The following CDKAL1 variants were observed in gnomAD, a reference collection of about 807,000 sequenced individuals.
The protein encoded by CDKAL1 is CDKAL1 threonylcarbamoyladenosine tRNA methylthiotransferase, also known as threonylcarbamoyladenosine tRNA methylthiotransferase.
CDKAL1 carries 32 observed loss-of-function variants against 68.2 expected under a neutral mutation model. That is an observed-to-expected ratio of 0.47 (90% CI 0.35 to 0.63). The LOEUF is 0.63. Ranked by LOEUF, CDKAL1 falls within the 30% of genes least tolerant of loss-of-function variation. CDKAL1 has a pLI of 0.00. For missense variants in CDKAL1, 606 were observed against 696.7 expected, an observed-to-expected ratio of 0.87 and a Z score of 1.47; for synonymous variants, 234 against 244.3, an observed-to-expected ratio of 0.96 and a Z score of 0.39.
At chr6:20,933,238 AAAC>A (rs1340143988) in intron 9 of CDKAL1, among the ~76,000 whole-genome samples, 5 of 152,226 alleles carry the variant, frequency 3.3e-5, no homozygotes, top group Non-Finnish European at 7.3e-5. Flanking sequence ...ACCCATGAGA[AAAC>A]AATACCCTTT....
At chr6:21,023,034 G>T (rs982753822) in intron 11 of CDKAL1, among the ~76,000 whole-genome samples, 1 of 151,964 alleles carries the variant, frequency 6.6e-6, no homozygotes, top group Non-Finnish European at 1.5e-5. Flanking sequence ...GTGATCTAAA[G>T]TTGAAGGCAT....
intron 5 of CDKAL1, among the ~76,000 whole-genome samples, chr6:20,724,776 T>A (rs9356747): frequency 0.35 from 52,688 of 152,050 alleles, 11,258 homozygotes; most frequent in African/African-American, 0.6. Flanking sequence ...ACTACAGCTC[T>A]CATAGCATTC....
intron 2 of CDKAL1, among the ~76,000 whole-genome samples, chr6:20,537,394 G>T (rs1195241830): frequency 6.6e-6 from 1 of 152,146 alleles, no homozygotes; most frequent in Admixed American, 6.5e-5. Context: ...ATCACCTGAG[G>T]TTGGGAGTTC....
chr6:20,768,898 G>A (rs1384426201), intron 7 of CDKAL1, among the ~76,000 whole-genome samples: 1 of 152,130 alleles, frequency 6.6e-6, no homozygotes, highest in Non-Finnish European at 1.5e-5. Flanking sequence ...TGACCTGAGA[G>A]GGGAGATGGC....
chr6:21,084,912 C>A (rs1409563562), intron 12 of CDKAL1, among the ~76,000 whole-genome samples: 3 of 152,162 alleles, frequency 2.0e-5, no homozygotes, highest in African/African-American at 7.2e-5. Flanking sequence ...TGGGAGCAGC[C>A]TTCTTCATTC....
chr6:20,592,752 C>T (rs977146181), intron 4 of CDKAL1, among the ~76,000 whole-genome samples: 1 of 152,032 alleles, frequency 6.6e-6, no homozygotes, highest in Non-Finnish European at 1.5e-5. Flanking sequence ...CAGGTGTGAG[C>T]CGCTGTGTTT....
At chr6:20,861,107 T>C (rs1218123585) in intron 9 of CDKAL1, among the ~76,000 whole-genome samples, 1 of 152,064 alleles carries the variant, frequency 6.6e-6, no homozygotes, top group East Asian at 1.9e-4. Flanking sequence ...GAGTCAGGAC[T>C]GATAGAGGAT....
intron 4 of CDKAL1, among the ~76,000 whole-genome samples, chr6:20,578,967 C>T (rs950457970): frequency 1.3e-5 from 2 of 152,206 alleles, no homozygotes; most frequent in South Asian, 2.1e-4. Context: ...AGTTTAGATT[C>T]GTCTTATACA....
chr6:20,572,414 T>A lies in CDKAL1; in HGVS notation c.286+23709T>A, dbSNP rs192464126. On this transcript the variant is annotated intron_variant, in intron 4 of 15. Coordinates refer to ENST00000274695, the MANE Select transcript of CDKAL1 (RefSeq NM_017774.3). ...ACTACTGACCTGAAGTGAATGCCTG[T>A]GTTCAATATTAATATGGCATGTCTG... Among the ~76,000 whole-genome samples the A allele has an allele frequency of 8.8e-4, 134 of 152,260 alleles. 1 individual carries two copies. The highest frequency in any genetic ancestry group is 2.6e-3 in the Admixed American group (40 of 15,300).
At chr6:20,839,366 G>A (rs1170643691) in intron 8 of CDKAL1, among the ~76,000 whole-genome samples, 1 of 152,096 alleles carries the variant, frequency 6.6e-6, no homozygotes, top group South Asian at 2.1e-4. Context: ...AGTAATGATA[G>A]TACAAGATAG....
chr6:20,853,395 A>AAC (rs1554130962), intron 9 of CDKAL1, among the ~76,000 whole-genome samples: 2 of 33,046 alleles, frequency 6.1e-5, no homozygotes, highest in Non-Finnish European at 2.8e-4. Context: ...ACAAAACAAA[A>AAC]AAAAAACAAA....
chr6:20,635,942 G>C (rs1181564655), intron 4 of CDKAL1, among the ~76,000 whole-genome samples: 2 of 152,186 alleles, frequency 1.3e-5, no homozygotes, highest in East Asian at 3.9e-4. Context: ...AAATATGGTA[G>C]GGTAAAAGAG....
intron 8 of CDKAL1, among the ~76,000 whole-genome samples, chr6:20,809,334 A>G (rs113765156): frequency 0.011 from 1,706 of 152,274 alleles, 25 homozygotes; most frequent in African/African-American, 0.039. Context: ...ATTTTGTTCT[A>G]CTTCATATCA....
chr6:21,142,736 C>T (rs577892835), intron 13 of CDKAL1, among the ~76,000 whole-genome samples: 3 of 152,110 alleles, frequency 2.0e-5, no homozygotes, highest in Non-Finnish European at 4.4e-5. Flanking sequence ...AATACTGCAG[C>T]CTTAAAGAGT....
intron 5 of CDKAL1, among the ~76,000 whole-genome samples, chr6:20,661,845 G>C (rs1769297610): frequency 6.6e-6 from 1 of 152,152 alleles, no homozygotes; most frequent in Non-Finnish European, 1.5e-5. Flanking sequence ...TGTATTATGT[G>C]CTGGCAACAG....
At chr6:21,078,719 G>A (rs1271004892) in intron 12 of CDKAL1, among the ~76,000 whole-genome samples, 4 of 152,154 alleles carry the variant, frequency 2.6e-5, no homozygotes, top group African/African-American at 9.7e-5. Flanking sequence ...GCGGGGTGCA[G>A]GGTGAGGAGG....
At chr6:20,922,071 G>A (rs566543505) in intron 9 of CDKAL1, among the ~76,000 whole-genome samples, 1 of 152,260 alleles carries the variant, frequency 6.6e-6, no homozygotes, top group African/African-American at 2.4e-5. Flanking sequence ...AGTGGGATAC[G>A]CGAACAAAAT....
At chr6:21,074,760 T>C (rs969436541) in intron 12 of CDKAL1, among the ~76,000 whole-genome samples, 2 of 152,158 alleles carry the variant, frequency 1.3e-5, no homozygotes, top group Non-Finnish European at 2.9e-5. Flanking sequence ...ATAATACTAT[T>C]GCAAAATGGG....
chr6:20,725,644 C>A (rs1254444847), intron 5 of CDKAL1, among the ~76,000 whole-genome samples: 1 of 152,096 alleles, frequency 6.6e-6, no homozygotes, highest in Admixed American at 6.6e-5. Flanking sequence ...ATTAGCCGGG[C>A]GTGGTGGCAC....
Sources: gnomAD v4.1 joint callset for allele counts (sites outside exome capture counted in the v4.1 genomes callset) on GRCh38, gnomAD v4.1.1 for gene constraint, MANE v1.5 for transcripts, NCBI Gene and HGNC (gene_info 2026-07-23, HGNC 2026-07-21) for gene names.